The following DDX11 variants were observed in gnomAD, a reference collection of about 807,000 sequenced individuals.
DDX11 encodes DEAD/H-box helicase 11, also known as ATP-dependent DNA helicase DDX11.
In DDX11, 72 loss-of-function variants were observed where a neutral mutation model predicts 125.2. The observed-to-expected ratio is 0.58, with a 90% CI of 0.48 to 0.70. The LOEUF is 0.70. Ranked by LOEUF, DDX11 falls within the 30% of genes least tolerant of loss-of-function variation. The probability of loss-of-function intolerance (pLI) is 0.00; values close to 1 mark genes in which losing one functional copy is unlikely to be tolerated. For synonymous variants in DDX11, 347 were observed against 452.6 expected (o/e 0.77, Z 2.96); for missense variants, 883 against 1,165.0 (o/e 0.76, Z 3.52).
At chr12:31,082,458 G>GCT in intron 2 of DDX11, among the ~76,000 whole-genome samples, 2 of 152,012 alleles carry the variant, frequency 1.3e-5, no homozygotes, top group African/African-American at 4.8e-5. Flanking sequence ...CTGGAACCCT[G>GCT]GCACCTGGCT....
Position 31,103,053 on chromosome 12 carries a change from G to T in DDX11, c.2457+33G>T, listed in dbSNP as rs375701127. 60 of 1,608,108 alleles carry T rather than the reference G, an allele frequency of 3.7e-5. No individual in the cohort carries two copies. The Middle Eastern group carries it at 1.3e-3, about 36-fold the overall frequency. On this transcript the variant is annotated intron_variant, in intron 24 of 26. Coordinates refer to ENST00000542838, the MANE Select transcript of DDX11 (RefSeq NM_030653.4). ...ACCCCAGTGTCACAGAGGGTGACAGGAGAGTAGGCAGTGGGTGGGAGTGGC... is the reference window on the plus strand; with the variant it reads ...ACCCCAGTGTCACAGAGGGTGACAGTAGAGTAGGCAGTGGGTGGGAGTGGC...
intron 12 of DDX11, chr12:31,094,182 A>G (rs1383613356): frequency 1.0e-5 from 3 of 296,618 alleles, no homozygotes; most frequent in East Asian, 1.7e-4. Context: ...AGCTGCAGAA[A>G]GCCTGTGGGA....
In DDX11 at chr12:31,100,724, A is replaced by G. The variant is rs1288953275; in HGVS notation, c.1948+17A>G. On this transcript the variant is annotated intron_variant, in intron 19 of 26. Transcript: ENST00000542838. Reference sequence around the variant, plus strand: ...TTTCCTGTGGTGAGAAGCTGTGCCCAGGGTGGGGCAGGCTAGAGGTCAGGT... The same window carrying G: ...TTTCCTGTGGTGAGAAGCTGTGCCCGGGGTGGGGCAGGCTAGAGGTCAGGT... 3.2e-5 allele frequency: 50 copies of G among 1,551,240 alleles called. No homozygotes were observed. The highest frequency in any genetic ancestry group is 4.3e-5 in the Non-Finnish European group (49 of 1,146,540).
Position 31,103,805 on chromosome 12 carries a change from A to C in DDX11, c.2692-2A>C. On this transcript the variant is annotated splice_acceptor_variant, in intron 26 of 26. Transcript: ENST00000542838. LOFTEE classifies it high-confidence loss of function. ...ATTTCTCACTGCCTTCTGTCTGCCC[A>C]GTTTCACCGGGAGAAGTCGGCCTCT... is the stretch of plus-strand genomic sequence containing the variant. The C allele has an allele frequency of 3.1e-6, 5 of 1,613,266 alleles. No individual in the cohort carries two copies. The highest frequency in any genetic ancestry group is 4.2e-6 in the Non-Finnish European group (5 of 1,179,690).
intron 1 of DDX11, among the ~76,000 whole-genome samples, chr12:31,074,579 A>G (rs1441057431): frequency 6.6e-6 from 1 of 152,204 alleles, no homozygotes; most frequent in Non-Finnish European, 1.5e-5. Context: ...AATGCTGATA[A>G]GCAGCTGTTT....
chr12:31,102,471 C>G lies in DDX11; in HGVS notation c.2316C>G (p.Leu772=). The change falls in exon 23 of 27, where the codon CTC becomes CTG. Residue 772 remains leucine, a synonymous_variant. Coordinates refer to ENST00000542838, the MANE Select transcript of DDX11 (RefSeq NM_030653.4). ...GCCAGGTGACAGGGGCCCTGCTCCT[C>G]TCTGTGGTTGGAGGAAAGATGAGTG... ...ERGQVTGALL[L]SVVGGKMSEG... 4 of 1,614,018 alleles carry G rather than the reference C, an allele frequency of 2.5e-6. No homozygotes were observed. The highest frequency in any genetic ancestry group is 3.4e-6 in the Non-Finnish European group (4 of 1,179,932).
intron 9 of DDX11, 109 bp downstream of exon 9, chr12:31,090,203 A>T: frequency 1.2e-6 from 1 of 868,976 alleles, no homozygotes; most frequent in Non-Finnish European, 1.9e-6. Context: ...CACCGTGGTC[A>T]GGTTGATGGC....
At chr12:31,085,944 G>A (rs1943049274) in intron 5 of DDX11, 6 of 445,194 alleles carry the variant, frequency 1.3e-5, no homozygotes, top group South Asian at 9.6e-5. Flanking sequence ...CACCACATCT[G>A]TCGGAGGGTA....
At chr12:31,097,146 A>G (rs912502544) in intron 17 of DDX11, among the ~76,000 whole-genome samples, 156 bp downstream of exon 17, 10 of 151,736 alleles carry the variant, frequency 6.6e-5, no homozygotes, top group African/African-American at 2.2e-4. Context: ...GACCTGGGCA[A>G]GCAGTGGAGG....
At position 31,096,638 on chromosome 12, in the gene DDX11, T is replaced by G. The variant is rs1057520196; in HGVS notation, c.1523T>G (p.Leu508Arg). 6.8e-6 allele frequency: 11 copies of G among 1,613,134 alleles called. No individual in the cohort carries two copies. The highest frequency in any genetic ancestry group is 9.3e-6 in the Non-Finnish European group (11 of 1,179,878). The change falls in exon 16 of 27, where the codon CTC becomes CGC. Residue 508 changes from leucine (L) to arginine (R), a missense_variant and splice_region_variant. Transcript: ENST00000542838. Reference protein sequence around the residue: ...YCEKSMISRKLFGFTERYGAV... With the variant: ...YCEKSMISRKRFGFTERYGAV... ...ACTGCTCTCTCTCATCCCACCCAGCTCTTTGGATTCACTGAACGGTACGGA... is the reference window on the plus strand; with the variant it reads ...ACTGCTCTCTCTCATCCCACCCAGCGCTTTGGATTCACTGAACGGTACGGA...
chr12:31,075,393 TGAG>T (rs1940558849), intron 1 of DDX11, among the ~76,000 whole-genome samples: 1 of 152,098 alleles, frequency 6.6e-6, no homozygotes, highest in Non-Finnish European at 1.5e-5. Context: ...GGAGGAAAAG[TGAG>T]GAGATAGAAA....
chr12:31,092,217 G>A (rs1309937018), intron 10 of DDX11, among the ~76,000 whole-genome samples: 1 of 152,032 alleles, frequency 6.6e-6, no homozygotes, highest in Non-Finnish European at 1.5e-5. Flanking sequence ...GTCTGGAGGG[G>A]ACTGAATTGA....
Position 31,084,048 on chromosome 12 carries a change from T to C in DDX11, c.380T>C (p.Val127Ala), listed in dbSNP as rs770835659. 3 of 1,613,906 alleles carry C rather than the reference T, an allele frequency of 1.9e-6. No individual in the cohort carries two copies. Among genetic ancestry groups the C allele is most frequent in the Non-Finnish European group, 2.5e-6 (3 of 1,179,852 alleles). The change falls in exon 3 of 27, where the codon GTG becomes GCG. Residue 127 changes from valine to alanine, a missense_variant. Coordinates refer to ENST00000542838, the MANE Select transcript of DDX11 (RefSeq NM_030653.4). ...FVQKKEERDLVDRLKAEQARR... is the reference protein window; with the variant it reads ...FVQKKEERDLADRLKAEQARR... The stretch of plus-strand genomic sequence containing the variant: ...CAGAAGAAAGAAGAGAGGGACCTGG[T>C]GGACCGACTAAAGGTGAGACCTGGG...
intron 5 of DDX11, chr12:31,086,358 G>T: frequency 2.7e-6 from 1 of 363,830 alleles, no homozygotes; most frequent in South Asian, 2.1e-5. Flanking sequence ...TCCCAGAGCT[G>T]ACCCAGTGTT....
Position 31,096,691 on chromosome 12 carries a change from A to G in DDX11, c.1576A>G (p.Lys526Glu), listed in dbSNP as rs373961029. 7.4e-5 allele frequency: 120 copies of G among 1,613,958 alleles called. No homozygotes were observed. Among genetic ancestry groups the G allele is most frequent in the Non-Finnish European group, 9.7e-5 (115 of 1,180,020 alleles). ...AGTGTTCTCATCCCGGGAGCAGCCCAAACTGGCTGGGTTTCAGCAATTCCT... is the reference window on the plus strand; with the variant it reads ...AGTGTTCTCATCCCGGGAGCAGCCCGAACTGGCTGGGTTTCAGCAATTCCT... Reference protein sequence around the residue: ...GAVFSSREQPKLAGFQQFLQS... With the variant: ...GAVFSSREQPELAGFQQFLQS... The change falls in exon 16 of 27, where the codon AAA (lysine) becomes GAA (glutamate). Residue 526 changes from lysine (K) to glutamate (E), a missense_variant. This residue lies in a region of DDX11 where 241 missense variants were observed against 279.7 expected (regional missense o/e 0.86). Transcript: ENST00000542838.
chr12:31,103,164 C>T lies in DDX11; in HGVS notation c.2457+144C>T, dbSNP rs550138931. The T allele has an allele frequency of 7.5e-5, 98 of 1,310,652 alleles. No individual in the cohort carries two copies. In the African/African-American group the frequency reaches 1.3e-3, roughly 17 times the overall value. 81.2% of individuals were successfully genotyped at this position (1,310,652 alleles called of 1,614,324 possible). A position where few individuals can be genotyped will look rare whatever the true frequency, so the allele number is the denominator to read the frequency against. On this transcript the variant is annotated intron_variant, in intron 24 of 26. Transcript: ENST00000542838. ...CCGGAAGCTTGGATGCCCCTCCACA[C>T]CCTCTTGATCTTCCCTGTGATGTCA...
At chr12:31,093,549 C>A in intron 12 of DDX11, 1 of 600,548 alleles carries the variant, frequency 1.7e-6, no homozygotes. Context: ...AATCCCATCT[C>A]TACTAAAAAT....
chr12:31,079,054 C>A (rs890398702), intron 2 of DDX11, among the ~76,000 whole-genome samples: 6 of 152,142 alleles, frequency 3.9e-5, no homozygotes, highest in Non-Finnish European at 8.8e-5. Flanking sequence ...CTACCTATTA[C>A]GGTAGATGAG....
intron 6 of DDX11, 53 bp from the exon 7 acceptor site, chr12:31,088,991 G>T (rs1565877089): frequency 1.4e-6 from 2 of 1,439,376 alleles, no homozygotes; most frequent in Non-Finnish European, 2.0e-6. Flanking sequence ...GTTAGAGAAT[G>T]CTGTGGGATG....
Sources: allele counts gnomAD v4.1 joint callset (sites outside exome capture counted in the v4.1 genomes callset), GRCh38; gene constraint gnomAD v4.1.1; regional missense constraint gnomAD v4.1.1; transcripts MANE v1.5; gene names NCBI Gene and HGNC (gene_info 2026-07-23, HGNC 2026-07-21).